FAM149A: variants seen among roughly 807,000 people sequenced by gnomAD.
FAM149A encodes protein FAM149A.
FAM149A carries 71 observed loss-of-function variants against 78.2 expected under a neutral mutation model. The ratio of observed to expected loss-of-function variants is 0.91; its 90% CI spans 0.75 to 1.11. The LOEUF is 1.11. FAM149A is among the 50% of genes least tolerant of loss of function. The pLI is 0.00. For synonymous variants in FAM149A, 446 were observed against 410.5 expected (o/e 1.09, Z -1.04); for missense variants, 1,036 against 971.0 (o/e 1.07, Z -0.89).
intron 1 of FAM149A, chr4:186,109,880 A>C (rs1016696948): frequency 4.9e-5 from 48 of 985,272 alleles, no homozygotes; most frequent in Non-Finnish European, 5.5e-5. Flanking sequence ...CCTTCCCTGC[A>C]TGACTTACAG....
intron 8 of FAM149A, among the ~76,000 whole-genome samples, chr4:186,159,263 CA>C (rs907436502): frequency 6.6e-6 from 1 of 151,346 alleles, no homozygotes; most frequent in Admixed American, 6.6e-5. Flanking sequence ...AAAACAAAAA[CA>C]AAAAAAACCT....
At chr4:186,134,731 C>T (rs1001895107) in intron 1 of FAM149A, among the ~76,000 whole-genome samples, 2 of 152,176 alleles carry the variant, frequency 1.3e-5, no homozygotes, top group South Asian at 4.1e-4. Context: ...CTAGCAGCCT[C>T]GTGTGCTGCA....
intron 1 of FAM149A, among the ~76,000 whole-genome samples, chr4:186,113,685 T>G (rs1035567422): frequency 6.6e-6 from 1 of 150,390 alleles, no homozygotes; most frequent in Non-Finnish European, 1.5e-5. Flanking sequence ...TTGTTCAGTT[T>G]CCATGTAGTT....
intron 1 of FAM149A, chr4:186,125,483 G>C (rs748748872): frequency 5.0e-6 from 2 of 399,684 alleles, no homozygotes; most frequent in African/African-American, 4.3e-5. Context: ...GAGGAAGATA[G>C]TCCGTCCGTC....
In FAM149A at chr4:186,154,432, A is replaced by G. The variant is rs752507901; in HGVS notation, c.1059-36A>G. On this transcript the variant is annotated intron_variant, in intron 5 of 13. Transcript: ENST00000389354. ...TTAAGCATTGCGTTCTTGGTGTTCT[A>G]TAAACTCCCATGTAGAATCTGTTTT... The G allele has an allele frequency of 1.9e-6, 3 of 1,566,602 alleles. No individual in the cohort carries two copies. The Admixed American group carries it at 5.5e-5, about 29-fold the overall frequency.
intron 1 of FAM149A, among the ~76,000 whole-genome samples, chr4:186,111,315 G>A (rs1348276734): frequency 6.6e-6 from 1 of 151,998 alleles, no homozygotes; most frequent in African/African-American, 2.4e-5. Flanking sequence ...AGATGAGTAG[G>A]TTGCGAAAAT....
Position 186,104,957 on chromosome 4 carries a change from C to T in FAM149A, c.-120C>T. The T allele has an allele frequency of 8.5e-7, 1 of 1,173,852 alleles. No homozygotes were observed. The highest frequency in any genetic ancestry group is 1.6e-5 in the South Asian group (1 of 63,612). The allele number at this position is 1,173,852 out of a possible 1,614,324, so 72.7% of individuals were successfully genotyped here. A position where few individuals can be genotyped will look rare whatever the true frequency, so the allele number is the denominator to read the frequency against. On this transcript the variant is annotated 5_prime_UTR_variant, in exon 1 of 14. Coordinates refer to ENST00000389354, the MANE Select transcript of FAM149A (RefSeq NM_001367768.3). Reference sequence around the variant, plus strand: ...CTCGGGGAGGAGAGGGAGCCAGGGGCCTCCGGGGCTCCGGGTGCGGGGACC... The same window carrying T: ...CTCGGGGAGGAGAGGGAGCCAGGGGTCTCCGGGGCTCCGGGTGCGGGGACC...
chr4:186,164,105 T>C lies in FAM149A; in HGVS notation c.1889+472T>C, dbSNP rs577492932. ...GCAGGATTCACATCCCGTCATGGCC[T>C]CGTTAGAAAGGTGCCTGTCTCTTGC... On this transcript the variant is annotated intron_variant, in intron 10 of 13. Coordinates refer to ENST00000389354, the MANE Select transcript of FAM149A (RefSeq NM_001367768.3). This position sits in a 1 kb window ranked among gnomAD's most constrained non-coding sequence, Gnocchi z 4.0. 6.6e-6 allele frequency among the ~76,000 whole-genome samples: 1 copy of C among 152,214 alleles called. No homozygotes were observed. The highest frequency in any genetic ancestry group is 6.5e-5 in the Admixed American group (1 of 15,280).
chr4:186,153,286 A>G (rs1032644724), intron 4 of FAM149A: 37 of 957,188 alleles, frequency 3.9e-5, no homozygotes. Flanking sequence ...ACTGTGTATT[A>G]GTTAATATGT....
intron 1 of FAM149A, chr4:186,109,276 T>C (rs1173439272): frequency 1.2e-6 from 1 of 856,514 alleles, no homozygotes; most frequent in South Asian, 5.3e-5. Context: ...TTATAGCTTG[T>C]ATAAGTCATA....
chr4:186,157,789 G>T, intron 8 of FAM149A, 70 bp downstream of exon 8: 1 of 1,568,644 alleles, frequency 6.4e-7, no homozygotes, highest in East Asian at 2.3e-5. Context: ...TTGTCGTTCT[G>T]TTAAACTGCA....
intron 7 of FAM149A, among the ~76,000 whole-genome samples, chr4:186,157,164 C>A (rs1244421850): frequency 7.9e-6 from 1 of 126,478 alleles, no homozygotes; most frequent in Non-Finnish European, 1.8e-5. Context: ...CTCTTACATA[C>A]AAAATATTCT....
At chr4:186,163,666 G>C (rs765153948) in intron 10 of FAM149A, 33 bp downstream of exon 10, 2 of 1,523,312 alleles carry the variant, frequency 1.3e-6, no homozygotes, top group Non-Finnish European at 1.8e-6. Context: ...TAAACTAAAG[G>C]CCACGGAGGA....
At chr4:186,167,140 G>T in intron 12 of FAM149A, 44 bp downstream of exon 12, 1 of 1,601,436 alleles carries the variant, frequency 6.2e-7, no homozygotes, top group South Asian at 1.1e-5. Context: ...AAAAACATTT[G>T]AAAAAAATGA....
At chr4:186,139,781 T>C (rs960158572) in intron 1 of FAM149A, among the ~76,000 whole-genome samples, 1 of 152,180 alleles carries the variant, frequency 6.6e-6, no homozygotes, top group East Asian at 1.9e-4. Context: ...CTCTATGGTA[T>C]AGAGAGATGA....
In FAM149A at chr4:186,116,649, G is replaced by C. The variant is rs1408557194; in HGVS notation, c.566+11007G>C. Reference sequence around the variant, plus strand: ...TCACTCTGTCACCAGGCTGGCTGGAGGGCAGCGGCACGATCTCGGCTCACT... The same window carrying C: ...TCACTCTGTCACCAGGCTGGCTGGACGGCAGCGGCACGATCTCGGCTCACT... On this transcript the variant is annotated intron_variant, in intron 1 of 13. Transcript: ENST00000389354. 7.2e-6 allele frequency: 7 copies of C among 969,062 alleles called. No homozygotes were observed. The East Asian group carries it at 8.0e-4, about 111-fold the overall frequency. The allele number at this position is 969,062 out of a possible 1,614,324, so 60.0% of individuals were successfully genotyped here. A position where few individuals can be genotyped will look rare whatever the true frequency, so the allele number is the denominator to read the frequency against.
intron 1 of FAM149A, among the ~76,000 whole-genome samples, chr4:186,111,806 G>A (rs1264129567): frequency 6.6e-6 from 1 of 151,188 alleles, no homozygotes; most frequent in African/African-American, 2.4e-5. Flanking sequence ...TAGCCTTGTA[G>A]TATAGTTTGA....
Position 186,167,084 on chromosome 4 carries a change from C to T in FAM149A, c.2127C>T (p.Thr709=). ...AACGGTTGTCAAGGCCCAGCACAAC[C>T]CACACGTTCCGGGTGGGTTCTCTGT... is the stretch of plus-strand genomic sequence containing the variant. The change falls in exon 12 of 14, where the codon ACC becomes ACT. Residue 709 remains threonine, a synonymous_variant. Coordinates refer to ENST00000389354, the MANE Select transcript of FAM149A (RefSeq NM_001367768.3). 1.2e-6 allele frequency: 2 copies of T among 1,613,668 alleles called. No individual in the cohort carries two copies. The highest frequency in any genetic ancestry group is 1.1e-5 in the South Asian group (1 of 91,030).
intron 1 of FAM149A, chr4:186,123,345 T>G (rs2150093697): frequency 2.0e-6 from 2 of 985,496 alleles, no homozygotes; most frequent in Middle Eastern, 5.2e-4. Context: ...TGTCTGTACC[T>G]TTATGAGATG....
Sources: gnomAD v4.1 joint callset for allele counts (sites outside exome capture counted in the v4.1 genomes callset) on GRCh38, gnomAD v4.1.1 for gene constraint, Gnocchi (gnomAD v3.1) non-coding constraint, MANE v1.5 for transcripts, NCBI Gene and HGNC (gene_info 2026-07-23, HGNC 2026-07-21) for gene names.